The following PRKD2 variants were observed in gnomAD, a reference collection of about 807,000 sequenced individuals.
PRKD2 encodes protein kinase D2.
A neutral mutation model predicts 86.0 loss-of-function variants in PRKD2; 22 were observed. The ratio of observed to expected loss-of-function variants is 0.26; its 90% confidence interval spans 0.18 to 0.37. The LOEUF is 0.37. PRKD2 is among the 10% of genes least tolerant of loss of function. PRKD2 has a pLI of 1.00. For synonymous variants in PRKD2, 509 were observed against 510.9 expected, an observed-to-expected ratio of 1.00 and a Z score of 0.05; for missense variants, 818 against 1,199.2, an observed-to-expected ratio of 0.68 and a Z score of 4.70.
chr19:46,715,212 A>G (rs2053867460), intron 1 of PRKD2, among the ~76,000 whole-genome samples: 1 of 152,198 alleles, frequency 6.6e-6, no homozygotes, highest in Non-Finnish European at 1.5e-5. Flanking sequence ...TGCTCTTTGA[A>G]TTCTTTAGCA....
chr19:46,697,176 G>T lies in PRKD2; in HGVS notation c.1298C>A (p.Thr433Lys). ...CKCITLFQNNTTNRYYKEIPL... is the reference protein window; with the variant it reads ...CKCITLFQNNKTNRYYKEIPL... ...GCTTACCTTATAGTATCTGTTGGTC[G>T]TGTTGTTCTGGAAGAGCGTGATACA... The change falls in exon 9 of 18, where the codon ACG becomes AAG. Residue 433 changes from threonine to lysine, a missense_variant. Around this residue, in one of 5 missense-constraint regions of PRKD2, gnomAD observed 127 missense variants for 157.8 expected, o/e 0.80. Transcript: ENST00000291281. The T allele has an allele frequency of 3.8e-6, 6 of 1,589,046 alleles. No individual in the cohort carries two copies. The highest frequency in any genetic ancestry group is 5.2e-6 in the Non-Finnish European group (6 of 1,157,286).
chr19:46,694,931 G>A (rs917758854), intron 9 of PRKD2, among the ~76,000 whole-genome samples: 1 of 152,100 alleles, frequency 6.6e-6, no homozygotes, highest in Non-Finnish European at 1.5e-5. Flanking sequence ...ATTAGGCATG[G>A]TGCCACAAGC....
At chr19:46,696,218 C>T (rs1050729431) in intron 9 of PRKD2, among the ~76,000 whole-genome samples, 10 of 152,128 alleles carry the variant, frequency 6.6e-5, no homozygotes, top group African/African-American at 1.7e-4. Context: ...TCAAGGAAGA[C>T]GCTCCAGGGC....
In PRKD2 at chr19:46,678,373, T is replaced by C. The variant is rs2053243841; in HGVS notation, c.2338+23A>G. On this transcript the variant is annotated intron_variant, in intron 16 of 17. Transcript: ENST00000291281. The surrounding 1 kb of genome is among the most constrained non-coding windows in gnomAD (Gnocchi z 5.7). Reference sequence around the variant, plus strand: ...CCCCACCCCACAACCCACCCGCCCATGGGGTAGGCGGGCCCCAGGCACCTC... The same window carrying C: ...CCCCACCCCACAACCCACCCGCCCACGGGGTAGGCGGGCCCCAGGCACCTC... 6.3e-7 allele frequency: 1 copy of C among 1,595,388 alleles called. No individual in the cohort carries two copies. The highest frequency in any genetic ancestry group is 1.7e-5 in the Admixed American group (1 of 59,458).
chr19:46,682,260 C>T (rs2053319070), intron 14 of PRKD2, among the ~76,000 whole-genome samples: 1 of 152,118 alleles, frequency 6.6e-6, no homozygotes, highest in African/African-American at 2.4e-5. Context: ...CCCACCTCGG[C>T]CTCCCAAAGT....
chr19:46,702,772 C>T (rs753823467), intron 5 of PRKD2, among the ~76,000 whole-genome samples: 3 of 151,098 alleles, frequency 2.0e-5, no homozygotes, highest in Non-Finnish European at 4.4e-5. Context: ...ACTGCAGCCT[C>T]AACCTCCTGG....
In PRKD2 at chr19:46,704,564, C is replaced by T. The variant is rs772579881; in HGVS notation, c.597G>A (p.Thr199=). 1 of 1,614,086 alleles carries T rather than the reference C, an allele frequency of 6.2e-7. No individual in the cohort carries two copies. The highest frequency in any genetic ancestry group is 8.5e-7 in the Non-Finnish European group (1 of 1,179,994). The change falls in exon 4 of 18, where the codon ACG becomes ACA. Residue 199 remains threonine, a synonymous_variant. Transcript: ENST00000291281. ...GCACCGAGTGGCCACTGGCCAGAGA[C>T]GTGGATGACAGGCGCCGTTTGCGGG... The part of the protein sequence containing the change: ...SGARKRRLSS[T]SLASGHSVRL...
rs777272976 is a variant in PRKD2, at chr19:46,697,232, T to C, written c.1242A>G (p.Arg414=). The C allele has an allele frequency of 8.8e-6, 14 of 1,586,860 alleles. No individual in the cohort carries two copies. Among genetic ancestry groups the C allele is most frequent in the Non-Finnish European group, 1.2e-5 (14 of 1,155,792 alleles). The change falls in exon 9 of 18, where the codon AGA becomes AGG. Residue 414 remains arginine, a splice_region_variant and synonymous_variant. Transcript: ENST00000291281. ...AGTCCAGGCGCCAATAGTGCCGCTTTCTCTGCAGAGATGTTTGAAGAGTCA... is the reference window on the plus strand; with the variant it reads ...AGTCCAGGCGCCAATAGTGCCGCTTCCTCTGCAGAGATGTTTGAAGAGTCA... ...VVHYSNKDTL[R]KRHYWRLDCK...
Position 46,694,138 on chromosome 19 carries a change from A to G in PRKD2, c.1318-5T>C. 1.9e-6 allele frequency: 3 copies of G among 1,613,146 alleles called. No homozygotes were observed. Among genetic ancestry groups the G allele is most frequent in the South Asian group, 1.1e-5 (1 of 91,070 alleles). ...GATTTCTGACAGCGGAATTTCCTGCAGGACGTGGAACCAGCACAGGTGAGG... is the reference window on the plus strand; with the variant it reads ...GATTTCTGACAGCGGAATTTCCTGCGGGACGTGGAACCAGCACAGGTGAGG... On this transcript the variant is annotated splice_polypyrimidine_tract_variant and splice_region_variant and intron_variant, in intron 9 of 17. Transcript: ENST00000291281.
chr19:46,710,928 G>A lies in PRKD2; in HGVS notation c.490C>T (p.Arg164Cys), dbSNP rs761575561. 1 of 1,575,152 alleles carries A rather than the reference G, an allele frequency of 6.3e-7. No individual in the cohort carries two copies. The highest frequency in any genetic ancestry group is 8.6e-7 in the Non-Finnish European group (1 of 1,160,278). ...HCGEMLFGLV[R>C]QGLKCDGCGL... ...TCACCATCGCACTTGAGGCCCTGGC[G>A]CACTAGGCCGAAGAGCATCTCCCCG... The change falls in exon 3 of 18, where the codon CGC (arginine) becomes TGC (cysteine). Residue 164 changes from arginine to cysteine, a missense_variant. Transcript: ENST00000291281.
At chr19:46,710,803 G>C in intron 3 of PRKD2, 104 bp downstream of exon 3, 2 of 1,264,802 alleles carry the variant, frequency 1.6e-6, no homozygotes, top group Middle Eastern at 5.5e-4. Flanking sequence ...CCAGCTCTGA[G>C]ACCCGCTCCT....
intron 3 of PRKD2, among the ~76,000 whole-genome samples, chr19:46,706,591 G>A (rs2053717662): frequency 6.6e-6 from 1 of 152,166 alleles, no homozygotes; most frequent in Admixed American, 6.6e-5. Flanking sequence ...ACTCCTGTCG[G>A]AATGTAGTCA....
At chr19:46,694,154 A>G (rs777917868) in intron 9 of PRKD2, 21 bp from the exon 10 acceptor site, 6 of 1,609,892 alleles carry the variant, frequency 3.7e-6, no homozygotes, top group Non-Finnish European at 5.1e-6. Context: ...TGGAACCAGC[A>G]CAGGTGAGGA....
At chr19:46,689,742 C>T (rs1422866873) in intron 13 of PRKD2, 44 bp from the exon 14 acceptor site, 3 of 1,610,214 alleles carry the variant, frequency 1.9e-6, no homozygotes, top group Non-Finnish European at 2.5e-6. Flanking sequence ...AACCCACAAA[C>T]TCAGACCCCA....
intron 5 of PRKD2, among the ~76,000 whole-genome samples, chr19:46,701,829 T>C (rs1204997422): frequency 6.6e-6 from 1 of 151,974 alleles, no homozygotes; most frequent in East Asian, 1.9e-4. Context: ...CTCTGACTTC[T>C]ACCTACTGGA....
Position 46,674,341 on chromosome 19 carries a change from G to T in PRKD2, c.*182C>A. ...TGCTGAGATCAAGGCCATGGGGCCA[G>T]AGATGAGTCCGTTTTAATTGCTGGG... On this transcript the variant is annotated 3_prime_UTR_variant, in exon 18 of 18. Coordinates refer to ENST00000291281, the MANE Select transcript of PRKD2 (RefSeq NM_016457.5). 1 of 637,526 alleles carries T rather than the reference G, an allele frequency of 1.6e-6. No homozygotes were observed. The highest frequency in any genetic ancestry group is 2.7e-6 in the Non-Finnish European group (1 of 372,906). The allele number at this position is 637,526 out of a possible 1,614,324, so 39.5% of individuals were successfully genotyped here.
At chr19:46,683,426 T>A (rs1470169129) in intron 14 of PRKD2, among the ~76,000 whole-genome samples, 1 of 152,074 alleles carries the variant, frequency 6.6e-6, no homozygotes, top group Non-Finnish European at 1.5e-5. Flanking sequence ...TTTTTCATCC[T>A]TACAAAAAAC....
At position 46,713,866 on chromosome 19, in the gene PRKD2, A is replaced by G. The variant is rs1167253874; in HGVS notation, c.376T>C (p.Ser126Pro). The G allele has an allele frequency of 7.0e-7, 1 of 1,418,958 alleles. No individual in the cohort carries two copies. Among genetic ancestry groups the G allele is most frequent in the African/African-American group, 1.5e-5 (1 of 67,954 alleles). 87.9% of individuals were successfully genotyped at this position (1,418,958 alleles called of 1,614,324 possible). ...QEGDLVEVVL[S>P]ASATFEDFQI... ...CAGGCCGGCCACCACCTCTCACCCG[A>G]CAGCACCACCTCCACCAGGTCGCCC... Residue 126 changes from serine to proline, a missense_variant, in exon 2 of 18, where the codon TCG becomes CCG. Ser to Pro is a moderately conservative substitution (Grantham distance 74). Around this residue, in one of 5 missense-constraint regions of PRKD2, gnomAD observed 403 missense variants for 518.6 expected, o/e 0.78. Coordinates refer to ENST00000291281, the MANE Select transcript of PRKD2 (RefSeq NM_016457.5).
At chr19:46,704,024 G>T in intron 5 of PRKD2, 145 bp downstream of exon 5, 1 of 1,179,380 alleles carries the variant, frequency 8.5e-7, no homozygotes, top group Non-Finnish European at 1.2e-6. Context: ...GAATTCCAAA[G>T]GTCCCAGAAC....
Sources: gnomAD v4.1 joint callset for allele counts (sites outside exome capture counted in the v4.1 genomes callset) on GRCh38, gnomAD v4.1.1 for gene constraint, gnomAD v4.1.1 regional missense constraint, Gnocchi (gnomAD v3.1) non-coding constraint, MANE v1.5 for transcripts, NCBI Gene and HGNC (gene_info 2026-07-23, HGNC 2026-07-21) for gene names.